KCNMA1: variants seen among roughly 807,000 people sequenced by gnomAD.
KCNMA1 encodes potassium calcium-activated channel subfamily M alpha 1.
A neutral mutation model predicts 140.0 loss-of-function variants in KCNMA1; 29 were observed. That is an observed-to-expected ratio of 0.21 (90% CI 0.15 to 0.28). The LOEUF (loss-of-function observed/expected upper bound fraction) is 0.28, where lower values mean the gene tolerates loss of function less well. Among genes scored for constraint, KCNMA1 ranks in the 10% least tolerant of loss-of-function variants. The probability of loss-of-function intolerance (pLI) is 1.00; values close to 1 mark genes in which losing one functional copy is unlikely to be tolerated. For synonymous variants in KCNMA1, 612 were observed against 611.9 expected (o/e 1.00, Z 0.00); for missense variants, 880 against 1,602.2 (o/e 0.55, Z 7.70).
chr10:77,325,707 G>A (rs2083906598), intron 2 of KCNMA1, among the ~76,000 whole-genome samples: 1 of 152,044 alleles, frequency 6.6e-6, no homozygotes, highest in Non-Finnish European at 1.5e-5. Flanking sequence ...CATTGACATT[G>A]ACACTGTTGT....
chr10:77,637,540 T>C lies in KCNMA1; in HGVS notation c.103A>G (p.Ser35Gly). 1 of 1,546,104 alleles carries C rather than the reference T, an allele frequency of 6.5e-7. No individual in the cohort carries two copies. Among genetic ancestry groups the C allele is most frequent in the Non-Finnish European group, 8.8e-7 (1 of 1,140,980 alleles). The change falls in exon 1 of 28, where the codon AGC (serine) becomes GGC (glycine). Residue 35 changes from serine to glycine, a missense_variant. Coordinates refer to ENST00000286628, the MANE Select transcript of KCNMA1 (RefSeq NM_001161352.2). The part of the protein sequence containing the change: ...MSSNIHANHL[S>G]LDASSSSSSS... ...GAGGAGGAGGAGGACGCGTCTAGGCTGAGATGGTTCGCGTGGATATTGCTA... is the reference window on the plus strand; with the variant it reads ...GAGGAGGAGGAGGACGCGTCTAGGCCGAGATGGTTCGCGTGGATATTGCTA...
intron 14 of KCNMA1, among the ~76,000 whole-genome samples, chr10:77,054,194 C>T (rs541006605): frequency 7.2e-5 from 11 of 152,220 alleles, no homozygotes; most frequent in African/African-American, 2.6e-4. Context: ...TCAAATATTC[C>T]TCTTTCAGTT....
At chr10:77,185,891 C>G (rs1598228080) in intron 3 of KCNMA1, among the ~76,000 whole-genome samples, 1 of 151,890 alleles carries the variant, frequency 6.6e-6, no homozygotes, top group Admixed American at 6.6e-5. Context: ...AACACCCAGG[C>G]CAGGAACGTG....
intron 21 of KCNMA1, among the ~76,000 whole-genome samples, chr10:76,952,732 C>A (rs1054560062): frequency 6.6e-6 from 1 of 152,154 alleles, no homozygotes; most frequent in Non-Finnish European, 1.5e-5. Context: ...CACACATACA[C>A]ATAGATAAAG....
intron 2 of KCNMA1, among the ~76,000 whole-genome samples, chr10:77,279,458 A>G (rs1312313787): frequency 6.6e-6 from 1 of 152,174 alleles, no homozygotes; most frequent in East Asian, 1.9e-4. Context: ...TCATAACACT[A>G]CTTTGTGGTT....
chr10:77,486,578 G>A (rs1438142307), intron 1 of KCNMA1, among the ~76,000 whole-genome samples: 2 of 152,170 alleles, frequency 1.3e-5, no homozygotes, highest in African/African-American at 2.4e-5. Flanking sequence ...TGAATCTAAG[G>A]TATTTTCAAA....
At chr10:77,463,792 G>T (rs560582955) in intron 1 of KCNMA1, among the ~76,000 whole-genome samples, 1 of 152,102 alleles carries the variant, frequency 6.6e-6, no homozygotes, top group African/African-American at 2.4e-5. Context: ...AGAAGGGAGT[G>T]CCCAGGCCTT....
At chr10:77,600,533 G>A (rs920538220) in intron 1 of KCNMA1, among the ~76,000 whole-genome samples, 2 of 152,168 alleles carry the variant, frequency 1.3e-5, no homozygotes, top group Non-Finnish European at 2.9e-5. Flanking sequence ...TGGATCACCT[G>A]AGGTCGGCAG....
chr10:77,186,303 C>G (rs1218124806), intron 3 of KCNMA1, among the ~76,000 whole-genome samples: 1 of 146,060 alleles, frequency 6.8e-6, no homozygotes. Flanking sequence ...TAAGAGTAAC[C>G]TTTATTTGCA....
Position 76,887,428 on chromosome 10 carries a change from G to A in KCNMA1, c.3549C>T (p.Gly1183=). 6.2e-7 allele frequency: 1 copy of A among 1,614,164 alleles called. No individual in the cohort carries two copies. The highest frequency in any genetic ancestry group is 8.5e-7 in the Non-Finnish European group (1 of 1,180,034). ...FCLMQFDHNA[G]QSRASLSHSS... ...AATGGGACAGGCTGGCCCGGGACTG[G>A]CCGGCATTGTGGTCAAACTGCATTA... Residue 1183 remains glycine, a synonymous_variant, in exon 28 of 28, where the codon GGC becomes GGT. Coordinates refer to ENST00000286628, the MANE Select transcript of KCNMA1 (RefSeq NM_001161352.2).
At chr10:77,144,173 G>A (rs542604162) in intron 5 of KCNMA1, among the ~76,000 whole-genome samples, 1 of 152,142 alleles carries the variant, frequency 6.6e-6, no homozygotes, top group Non-Finnish European at 1.5e-5. Context: ...CAACCTAATG[G>A]CCATCAACAG....
chr10:77,184,062 T>TCACACACACACACACACACA (rs3068684), intron 4 of KCNMA1, among the ~76,000 whole-genome samples: 6 of 148,010 alleles, frequency 4.1e-5, no homozygotes, highest in East Asian at 4.0e-4. Flanking sequence ...ATGTACGCAT[T>TCACACACACACACACACACA]CACACACACA....
chr10:77,445,591 C>T (rs1309506639), intron 1 of KCNMA1, among the ~76,000 whole-genome samples: 1 of 151,982 alleles, frequency 6.6e-6, no homozygotes, highest in African/African-American at 2.4e-5. Flanking sequence ...GCAATGTTTC[C>T]TAATAAGACC....
chr10:77,592,277 G>A (rs1468037), intron 1 of KCNMA1, among the ~76,000 whole-genome samples: 24,665 of 152,122 alleles, frequency 0.16, 2,898 homozygotes, highest in East Asian at 0.52. Flanking sequence ...GAAAGGTAAG[G>A]AAAGACGAGT....
chr10:77,028,909 G>A (rs192768191), intron 15 of KCNMA1, among the ~76,000 whole-genome samples: 58 of 152,266 alleles, frequency 3.8e-4, no homozygotes, highest in African/African-American at 1.4e-3. Flanking sequence ...GATTTTCAGA[G>A]TAAGTGTTAT....
At chr10:77,430,774 T>A (rs2097136792) in intron 1 of KCNMA1, among the ~76,000 whole-genome samples, 1 of 152,252 alleles carries the variant, frequency 6.6e-6, no homozygotes, top group Admixed American at 6.5e-5. Flanking sequence ...TGAGAATCAC[T>A]AAAGCTGATT....
intron 23 of KCNMA1, among the ~76,000 whole-genome samples, chr10:76,921,642 A>T (rs1194135216): frequency 6.6e-6 from 1 of 152,196 alleles, no homozygotes; most frequent in African/African-American, 2.4e-5. Flanking sequence ...AACTACGGTA[A>T]TAGCCACAGC....
chr10:77,516,203 G>A (rs1266221932), intron 1 of KCNMA1, among the ~76,000 whole-genome samples: 2 of 127,748 alleles, frequency 1.6e-5, no homozygotes, highest in Admixed American at 1.7e-4. Flanking sequence ...CCCCTACTCC[G>A]CCCCGCCACA....
chr10:77,284,953 A>C (rs1269406189), intron 2 of KCNMA1, among the ~76,000 whole-genome samples: 1 of 152,236 alleles, frequency 6.6e-6, no homozygotes, highest in African/African-American at 2.4e-5. Context: ...ACAATATTAT[A>C]ATAGAGAAGA....
Sources: allele counts gnomAD v4.1 joint callset (sites outside exome capture counted in the v4.1 genomes callset), GRCh38; gene constraint gnomAD v4.1.1; transcripts MANE v1.5; gene names NCBI Gene and HGNC (gene_info 2026-07-23, HGNC 2026-07-21).